Variants in MLH3 observed in about 807,000 individuals in gnomAD.
MLH3 encodes the protein mutL homolog 3.
Under a neutral mutation model 122.2 loss-of-function variants are expected in MLH3, and 82 were observed. The ratio of observed to expected loss-of-function variants is 0.67; its 90% CI spans 0.56 to 0.81. The LOEUF is 0.81. Among genes scored for constraint, MLH3 ranks in the 30% least tolerant of loss-of-function variants. The pLI, the probability that MLH3 is intolerant of heterozygous loss-of-function variation, is 0.00. For missense variants in MLH3, 1,539 were observed against 1,714.5 expected (o/e 0.90, Z 1.81); for synonymous variants, 524 against 599.5 (o/e 0.87, Z 1.84).
Position 75,016,908 on chromosome 14 carries a change from A to G in MLH3, c.*174T>C, listed in dbSNP as rs1170816287. ...GGCTTGAATTTCATCTGGCTACTCA[A>G]CTAGGGGAATCATCTGCTCAAGAAA... On this transcript the variant is annotated 3_prime_UTR_variant, in exon 13 of 13. Transcript: ENST00000355774. 1.4e-5 allele frequency: 10 copies of G among 711,644 alleles called. No homozygotes were observed. Among genetic ancestry groups the G allele is most frequent in the East Asian group, 1.0e-4 (4 of 38,318 alleles). 44.1% of individuals were successfully genotyped at this position (711,644 alleles called of 1,614,324 possible). A position where few individuals can be genotyped will look rare whatever the true frequency, so the allele number is the denominator to read the frequency against.
chr14:75,048,135 C>T lies in MLH3; in HGVS notation c.1521G>A (p.Met507Ile), dbSNP rs756756799. 6 of 1,614,198 alleles carry T rather than the reference C, an allele frequency of 3.7e-6. No individual in the cohort carries two copies. The highest frequency in any genetic ancestry group is 1.6e-4 in the Middle Eastern group (1 of 6,062). ...LENPCGTSLEMFLSPFQTPCH... is the reference protein window; with the variant it reads ...LENPCGTSLEIFLSPFQTPCH... ...ATGGTGTCTGAAAAGGGCTTAAAAACATTTCTAAACTGGTTCCACACGGAT... is the reference window on the plus strand; with the variant it reads ...ATGGTGTCTGAAAAGGGCTTAAAAATATTTCTAAACTGGTTCCACACGGAT... Residue 507 changes from methionine to isoleucine, a missense_variant, in exon 2 of 13, where the codon ATG (methionine) becomes ATA (isoleucine). Met to Ile is a conservative substitution (Grantham distance 10). Transcript: ENST00000355774.
In MLH3 at chr14:75,047,868, A is replaced by G. The variant is rs2139576031; in HGVS notation, c.1788T>C (p.Phe596=). Residue 596 remains phenylalanine (F), a synonymous_variant, in exon 2 of 13, where the codon TTT becomes TTC. Coordinates refer to ENST00000355774, the MANE Select transcript of MLH3 (RefSeq NM_001040108.2). ...ESSNCGRRNV[F]SYGRVKLCST... is the part of the protein sequence containing the mutation. The stretch of plus-strand genomic sequence containing the variant: ...AACATAATTTAACTCGCCCATAACT[A>G]AAAACATTTCTTCTTCCACAATTGC... 1 of 1,613,320 alleles carries G rather than the reference A, an allele frequency of 6.2e-7. No individual in the cohort carries two copies. Among genetic ancestry groups the G allele is most frequent in the Non-Finnish European group, 8.5e-7 (1 of 1,179,858 alleles).
At chr14:75,034,611 C>G (rs999596304) in intron 6 of MLH3, among the ~76,000 whole-genome samples, 1 of 151,492 alleles carries the variant, frequency 6.6e-6, no homozygotes, top group Admixed American at 6.6e-5. Flanking sequence ...AAATAGTCTT[C>G]TTTTTTTTTC....
rs914606466 is a variant in MLH3 at position 75,014,945 on chromosome 14, T to A, written c.*2137A>T. Reference sequence around the variant, plus strand: ...ACAGCTCCGAGCTTCGAAGTTTTATTATACAAAGGTGACAACTAGGTTCCT... The same window carrying A: ...ACAGCTCCGAGCTTCGAAGTTTTATAATACAAAGGTGACAACTAGGTTCCT... On this transcript the variant is annotated 3_prime_UTR_variant, in exon 13 of 13. Coordinates refer to ENST00000355774, the MANE Select transcript of MLH3 (RefSeq NM_001040108.2). The A allele has an allele frequency of 1.1e-5, 2 of 179,540 alleles. No individual in the cohort carries two copies. The highest frequency in any genetic ancestry group is 4.7e-5 in the African/African-American group (2 of 42,352). 11.1% of individuals were successfully genotyped at this position (179,540 alleles called of 1,614,324 possible). A position where few individuals can be genotyped will look rare whatever the true frequency, so the allele number is the denominator to read the frequency against.
chr14:75,042,427 G>A lies in MLH3; in HGVS notation c.3331C>T (p.Leu1111Phe), dbSNP rs761143890. 7 of 1,614,024 alleles carry A rather than the reference G, an allele frequency of 4.3e-6. No homozygotes were observed. In the East Asian group the frequency reaches 1.3e-4, roughly 31 times the overall value. Reference protein sequence around the residue: ...PFRSDLVLPFLPRARAERTVM... With the variant: ...PFRSDLVLPFFPRARAERTVM... ...GTCCTCTCTGCTCGAGCTCTCGGAA[G>A]GAAAGGAAGAACAAGGTCGCTTCTA... The change falls in exon 3 of 13, where the codon CTT (leucine) becomes TTT (phenylalanine). Residue 1111 changes from leucine (L) to phenylalanine (F), a missense_variant. Transcript: ENST00000355774.
chr14:75,029,098 T>C (rs175066), intron 9 of MLH3, among the ~76,000 whole-genome samples: 139,758 of 141,768 alleles, frequency 0.99, 68,909 homozygotes, highest in Non-Finnish European at 1. Flanking sequence ...TGCAGTGAGC[T>C]GAGATTGTGC....
chr14:75,048,855 G>T lies in MLH3; in HGVS notation c.801C>A (p.Leu267=). 1 of 1,614,072 alleles carries T rather than the reference G, an allele frequency of 6.2e-7. No individual in the cohort carries two copies. The highest frequency in any genetic ancestry group is 8.5e-7 in the Non-Finnish European group (1 of 1,179,966). ...RLVLRTKLHK[L]IDFLLRKESI... ...TTTCTTTCCTTAATAAAAAGTCAATGAGTTTATGTAGCTTTGTCCTTAAAA... is the reference window on the plus strand; with the variant it reads ...TTTCTTTCCTTAATAAAAAGTCAATTAGTTTATGTAGCTTTGTCCTTAAAA... Residue 267 remains leucine (L), a synonymous_variant, in exon 2 of 13, where the codon CTC becomes CTA. Coordinates refer to ENST00000355774, the MANE Select transcript of MLH3 (RefSeq NM_001040108.2).
At chr14:75,017,355 G>A (rs1889957117) in intron 12 of MLH3, among the ~76,000 whole-genome samples, 154 bp from the exon 13 acceptor site, 1 of 151,988 alleles carries the variant, frequency 6.6e-6, no homozygotes. Context: ...TGGCCAATAT[G>A]GTGAAACCCT....
rs778077098 is a variant in MLH3, at chr14:75,033,414, C to T, written c.3715+5G>A. The T allele has an allele frequency of 6.2e-7, 1 of 1,613,882 alleles. No homozygotes were observed. The highest frequency in any genetic ancestry group is 1.1e-5 in the South Asian group (1 of 91,060). On this transcript the variant is annotated splice_donor_5th_base_variant and intron_variant, in intron 7 of 12. Transcript: ENST00000355774. Reference sequence around the variant, plus strand: ...AATTTTTTCTGGCTGCAAACAGATCCTTACCAATGATAAGCTGCTCCAGAC... The same window carrying T: ...AATTTTTTCTGGCTGCAAACAGATCTTTACCAATGATAAGCTGCTCCAGAC...
intron 6 of MLH3, among the ~76,000 whole-genome samples, chr14:75,036,218 T>G (rs1891394848): frequency 6.6e-6 from 1 of 152,244 alleles, no homozygotes; most frequent in South Asian, 2.1e-4. Flanking sequence ...TCTTCTTTTT[T>G]CTAGGTGATA....
chr14:75,019,410 CAAAAAAA>C (rs11306878), intron 11 of MLH3, among the ~76,000 whole-genome samples: 1 of 68,634 alleles, frequency 1.5e-5, no homozygotes, highest in Non-Finnish European at 2.8e-5. Flanking sequence ...ACTCCGTTCT[CAAAAAAA>C]AAAAAAAAAA....
intron 7 of MLH3, 102 bp downstream of exon 7, chr14:75,033,317 A>G: frequency 1.1e-6 from 1 of 901,830 alleles, no homozygotes; most frequent in Non-Finnish European, 1.8e-6. Context: ...CATACAGTAC[A>G]AAGTGTGCTT....
chr14:75,027,331 C>T (rs1284401089), intron 9 of MLH3, among the ~76,000 whole-genome samples: 2 of 151,220 alleles, frequency 1.3e-5, no homozygotes, highest in African/African-American at 4.9e-5. Flanking sequence ...GTGATCTCAG[C>T]TCATTGCAAC....
intron 2 of MLH3, among the ~76,000 whole-genome samples, chr14:75,044,547 A>T (rs529267304): frequency 1.3e-5 from 2 of 152,306 alleles, no homozygotes; most frequent in African/African-American, 4.8e-5. Flanking sequence ...AGGACATAAA[A>T]CCACATAGAT....
rs1428119509 is a variant in MLH3, at chr14:75,047,367, C to A, written c.2289G>T (p.Lys763Asn). ...CTTCTGTATCCAGAGGATTTTCAACCTTCCCATATTGCCTCTTAAACTTCT... is the reference window on the plus strand; with the variant it reads ...CTTCTGTATCCAGAGGATTTTCAACATTCCCATATTGCCTCTTAAACTTCT... The part of the protein sequence containing the change: ...SLEKFKRQYG[K>N]VENPLDTEVE... Residue 763 changes from lysine to asparagine, a missense_variant, in exon 2 of 13, where the codon AAG (lysine) becomes AAT (asparagine). Transcript: ENST00000355774. 4 of 1,613,984 alleles carry A rather than the reference C, an allele frequency of 2.5e-6. No individual in the cohort carries two copies. Among genetic ancestry groups the A allele is most frequent in the Non-Finnish European group, 3.4e-6 (4 of 1,180,012 alleles).
intron 6 of MLH3, among the ~76,000 whole-genome samples, chr14:75,035,520 C>T (rs2139430924): frequency 6.6e-6 from 1 of 152,172 alleles, no homozygotes; most frequent in East Asian, 1.9e-4. Flanking sequence ...GAAACTTCGT[C>T]TCAAAAACAA....
chr14:75,049,215 T>C lies in MLH3; in HGVS notation c.441A>G (p.Thr147=), dbSNP rs777203408. The C allele has an allele frequency of 2.6e-5, 42 of 1,614,234 alleles. 1 individual carries two copies. The South Asian group carries it at 4.5e-4, about 17-fold the overall frequency. ...VTRASAGTTV[T]VYNLFYQLPV... ...GAAGCTGGTAAAATAGGTTATACACTGTTACAGTAGTCCCAGCGCTTGCTC... is the reference window on the plus strand; with the variant it reads ...GAAGCTGGTAAAATAGGTTATACACCGTTACAGTAGTCCCAGCGCTTGCTC... Residue 147 remains threonine (T), a synonymous_variant, in exon 2 of 13, where the codon ACA becomes ACG. Transcript: ENST00000355774.
intron 9 of MLH3, among the ~76,000 whole-genome samples, chr14:75,023,276 A>G (rs1890410521): frequency 6.6e-6 from 1 of 152,214 alleles, no homozygotes; most frequent in Non-Finnish European, 1.5e-5. Context: ...CTTCTCAACT[A>G]ATGAGGTTAT....
chr14:75,019,120 G>A (rs924781515), intron 11 of MLH3, 140 bp from the exon 12 acceptor site: 15 of 791,078 alleles, frequency 1.9e-5, no homozygotes, highest in Non-Finnish European at 2.9e-5. Context: ...GCTTGAAATT[G>A]GTGCTTATAG....
Sources: allele counts gnomAD v4.1 joint callset (sites outside exome capture counted in the v4.1 genomes callset), GRCh38; gene constraint gnomAD v4.1.1; transcripts MANE v1.5; gene names NCBI Gene and HGNC (gene_info 2026-07-23, HGNC 2026-07-21).